Variants in MTMR9 observed in about 807,000 individuals in gnomAD.
MTMR9 encodes myotubularin-related protein 9.
MTMR9 carries 39 observed loss-of-function variants against 69.5 expected under a neutral mutation model. The observed-to-expected ratio is 0.56, with a 90% CI of 0.43 to 0.73. MTMR9 has a LOEUF of 0.73. Ranked by LOEUF, MTMR9 falls within the 30% of genes least tolerant of loss-of-function variation. The probability of loss-of-function intolerance (pLI) is 0.00; values close to 1 mark genes in which losing one functional copy is unlikely to be tolerated. For missense variants in MTMR9, 900 were observed against 671.2 expected, an observed-to-expected ratio of 1.34 and a Z score of -3.77; for synonymous variants, 354 against 240.8, an observed-to-expected ratio of 1.47 and a Z score of -4.35.
intron 4 of MTMR9, 121 bp downstream of exon 4, chr8:11,305,135 A>G: frequency 2.2e-6 from 2 of 927,658 alleles, no homozygotes; most frequent in Non-Finnish European, 3.2e-6. Context: ...CTCCACCACA[A>G]GGGCTTCCTT....
chr8:11,338,985 C>G, the MTMR9 span, among the ~76,000 whole-genome samples: 1 of 152,150 alleles, frequency 6.6e-6, no homozygotes, highest in African/African-American at 2.4e-5. Flanking sequence ...CCTGATGCCA[C>G]CATGACTGCT....
intron 6 of MTMR9, 28 bp from the exon 7 acceptor site, chr8:11,314,895 T>G (rs752470886): frequency 2.5e-6 from 4 of 1,609,272 alleles, no homozygotes; most frequent in Non-Finnish European, 1.7e-6. Flanking sequence ...CATTTCCCAT[T>G]TGTACTCTTC....
chr8:11,332,393 C>G (rs181366458), downstream of MTMR9, among the ~76,000 whole-genome samples: 104 of 151,812 alleles, frequency 6.9e-4, no homozygotes, highest in African/African-American at 2.3e-3. Flanking sequence ...ACTTACTAGA[C>G]AAAGACTAAA....
chr8:11,315,801 G>T (rs906806919), intron 7 of MTMR9: 2 of 152,246 alleles, frequency 1.3e-5, no homozygotes, highest in African/African-American at 2.4e-5. Flanking sequence ...TTTGATGAAA[G>T]TCTATTGAGC....
At chr8:11,317,101 T>G in intron 8 of MTMR9, 1 of 382,254 alleles carries the variant, frequency 2.6e-6, no homozygotes, top group Non-Finnish European at 4.6e-6. Context: ...TAGGTTAAAA[T>G]TAGTCCATAC....
intron 6 of MTMR9, among the ~76,000 whole-genome samples, chr8:11,312,340 G>T (rs1365443594): frequency 4.0e-5 from 6 of 151,898 alleles, no homozygotes; most frequent in Non-Finnish European, 7.4e-5. Flanking sequence ...CTGACCCACT[G>T]CACCCAGCAT....
chr8:11,286,596 G>A (rs1799166656), intron 1 of MTMR9, among the ~76,000 whole-genome samples: 4 of 145,192 alleles, frequency 2.8e-5, no homozygotes, highest in African/African-American at 1.0e-4. Context: ...AACCTTGGAA[G>A]CAGAGGTTGC....
chr8:11,337,112 C>G, the MTMR9 span, among the ~76,000 whole-genome samples: 1 of 152,182 alleles, frequency 6.6e-6, no homozygotes, highest in Non-Finnish European at 1.5e-5. Context: ...AGCATTCTTA[C>G]TTGCCACAGA....
intron 2 of MTMR9, 110 bp downstream of exon 2, chr8:11,295,412 C>G: frequency 1.4e-6 from 1 of 712,030 alleles, no homozygotes. Context: ...GACTCAAATA[C>G]TGAAGACTGA....
intron 5 of MTMR9, among the ~76,000 whole-genome samples, chr8:11,307,210 T>C (rs1424208545): frequency 6.6e-6 from 1 of 152,180 alleles, no homozygotes; most frequent in African/African-American, 2.4e-5. Flanking sequence ...TAGCTGGGAC[T>C]ACAGGTGCCT....
chr8:11,314,590 G>T (rs1474466361), intron 6 of MTMR9, among the ~76,000 whole-genome samples: 1 of 152,182 alleles, frequency 6.6e-6, no homozygotes, highest in Non-Finnish European at 1.5e-5. Flanking sequence ...TGCCTTCTGT[G>T]TTAAGAGCTG....
At chr8:11,306,683 A>G (rs927782344) in intron 5 of MTMR9, among the ~76,000 whole-genome samples, 7 of 152,112 alleles carry the variant, frequency 4.6e-5, no homozygotes, top group African/African-American at 1.2e-4. Flanking sequence ...TCGCATAGTT[A>G]TCATTTTTTT....
At chr8:11,295,366 T>A (rs1799517562) in intron 2 of MTMR9, 64 bp downstream of exon 2, 1 of 921,610 alleles carries the variant, frequency 1.1e-6, no homozygotes, top group Non-Finnish European at 1.8e-6. Context: ...GTGTAGCTCT[T>A]CCATTTCTTC....
chr8:11,331,729 T>C, downstream of MTMR9: 1 of 1,611,976 alleles, frequency 6.2e-7, no homozygotes, highest in Non-Finnish European at 8.5e-7. Context: ...CTGGGGCTTC[T>C]GGTCTATCGT....
At chr8:11,313,941 A>C (rs1036279466) in intron 6 of MTMR9, among the ~76,000 whole-genome samples, 8 of 152,232 alleles carry the variant, frequency 5.3e-5, no homozygotes, top group Non-Finnish European at 8.8e-5. Flanking sequence ...GATAGCTGCA[A>C]ATCTCCCATT....
At position 11,305,032 on chromosome 8, in the gene MTMR9, C is replaced by G; in HGVS notation, c.591+18C>G. The G allele has an allele frequency of 6.2e-7, 1 of 1,609,380 alleles. No homozygotes were observed. The highest frequency in any genetic ancestry group is 8.5e-7 in the Non-Finnish European group (1 of 1,176,512). ...ATGGGATGGTAAGTGCACAGCACTA[C>G]TGCTTGATGTACTGAAAGGCTTGGG... On this transcript the variant is annotated intron_variant, in intron 4 of 9. Coordinates refer to ENST00000221086, the MANE Select transcript of MTMR9 (RefSeq NM_015458.4).
chr8:11,322,692 C>T lies in MTMR9; in HGVS notation c.1554C>T (p.Ile518=), dbSNP rs765889359. 6 of 1,613,760 alleles carry T rather than the reference C, an allele frequency of 3.7e-6. No individual in the cohort carries two copies. In the East Asian group the frequency reaches 1.3e-4, roughly 36 times the overall value. ...LDEAYEEMVN[I]IEYNKELQAK... ...AAGCATATGAAGAAATGGTTAACATCATTGAATATAATAAAGAATTACAAG... is the reference window on the plus strand; with the variant it reads ...AAGCATATGAAGAAATGGTTAACATTATTGAATATAATAAAGAATTACAAG... Residue 518 remains isoleucine, a synonymous_variant, in exon 10 of 10, where the codon ATC becomes ATT. Coordinates refer to ENST00000221086, the MANE Select transcript of MTMR9 (RefSeq NM_015458.4).
intron 6 of MTMR9, among the ~76,000 whole-genome samples, chr8:11,313,269 G>C (rs1800277790): frequency 6.6e-6 from 1 of 152,210 alleles, no homozygotes; most frequent in Non-Finnish European, 1.5e-5. Context: ...GAATGGAGGA[G>C]AGTAAAGGCC....
At chr8:11,302,286 A>C (rs1265940810) in intron 3 of MTMR9, among the ~76,000 whole-genome samples, 1 of 139,950 alleles carries the variant, frequency 7.1e-6, no homozygotes, top group Non-Finnish European at 1.5e-5. Flanking sequence ...AGGAAGACAA[A>C]AAAAAAAAAA....
Sources: gnomAD v4.1 joint callset for allele counts (sites outside exome capture counted in the v4.1 genomes callset) on GRCh38, gnomAD v4.1.1 for gene constraint, MANE v1.5 for transcripts, NCBI Gene and HGNC (gene_info 2026-07-23, HGNC 2026-07-21) for gene names.